CEP112: variants seen among roughly 807,000 people sequenced by gnomAD.
CEP112 encodes centrosomal protein of 112 kDa.
In CEP112, 127 loss-of-function variants were observed where a neutral mutation model predicts 153.0. That is an observed-to-expected ratio of 0.83 (90% confidence interval 0.72 to 0.96). The LOEUF (loss-of-function observed/expected upper bound fraction) is 0.96, where lower values mean the gene tolerates loss of function less well. CEP112 is among the 40% of genes least tolerant of loss of function. CEP112 has a pLI of 0.00. For missense variants in CEP112, 1,089 were observed against 1,101.2 expected, an observed-to-expected ratio of 0.99 and a Z score of 0.16; for synonymous variants, 358 against 374.4, an observed-to-expected ratio of 0.96 and a Z score of 0.51.
intron 17 of CEP112, among the ~76,000 whole-genome samples, chr17:65,996,236 T>A (rs1375958618): frequency 6.6e-6 from 1 of 151,680 alleles, no homozygotes; most frequent in Non-Finnish European, 1.5e-5. Flanking sequence ...TTATAAATCA[T>A]GAAACAGTAT....
chr17:66,070,100 T>C (rs777621849), intron 8 of CEP112, 99 bp from the exon 9 acceptor site: 3 of 666,552 alleles, frequency 4.5e-6, no homozygotes, highest in South Asian at 2.0e-5. Context: ...AAGACAGTTA[T>C]CATTTTCCAC....
chr17:66,151,345 A>G (rs1179067058), intron 4 of CEP112, among the ~76,000 whole-genome samples: 1 of 152,126 alleles, frequency 6.6e-6, no homozygotes, highest in African/African-American at 2.4e-5. Flanking sequence ...CCTTCTAGCT[A>G]TACCTAGCTA....
chr17:65,941,310 G>C (rs2061498879), intron 18 of CEP112: 1 of 151,968 alleles, frequency 6.6e-6, no homozygotes, highest in African/African-American at 2.4e-5. Context: ...TGTACTCAAA[G>C]TTGGTAAAAA....
intron 17 of CEP112, among the ~76,000 whole-genome samples, chr17:65,971,708 A>C (rs763276160): frequency 7.2e-5 from 11 of 152,150 alleles, no homozygotes; most frequent in Non-Finnish European, 1.3e-4. Flanking sequence ...CATGCATATT[A>C]CATGCATGCA....
chr17:65,941,433 GTTAT>G (rs2061502108), intron 18 of CEP112: 1 of 152,096 alleles, frequency 6.6e-6, no homozygotes, highest in Admixed American at 6.5e-5. Flanking sequence ...CAAAATGCAT[GTTAT>G]TTTAGATGAT....
At chr17:65,677,302 A>C (rs1053142454) in intron 24 of CEP112, among the ~76,000 whole-genome samples, 7 of 152,368 alleles carry the variant, frequency 4.6e-5, no homozygotes, top group Admixed American at 3.3e-4. Context: ...CTGAGAGCTA[A>C]GTACGTATTA....
chr17:65,970,016 C>T (rs972898000), intron 17 of CEP112, among the ~76,000 whole-genome samples: 11 of 152,188 alleles, frequency 7.2e-5, no homozygotes, highest in African/African-American at 1.7e-4. Context: ...ATGTGTATTG[C>T]GAACATGCAC....
chr17:65,821,437 C>A (rs1362750881), intron 21 of CEP112, among the ~76,000 whole-genome samples: 1 of 140,294 alleles, frequency 7.1e-6, no homozygotes, highest in Non-Finnish European at 1.5e-5. Flanking sequence ...GGATTTTCTA[C>A]ACAATCTGGG....
At chr17:65,897,195 G>GA (rs1236959433) in intron 20 of CEP112, among the ~76,000 whole-genome samples, 1 of 152,018 alleles carries the variant, frequency 6.6e-6, no homozygotes, top group South Asian at 2.1e-4. Context: ...TAGGCTGGGG[G>GA]AAAAATAGAG....
intron 24 of CEP112, among the ~76,000 whole-genome samples, chr17:65,645,882 T>G (rs1335359966): frequency 6.6e-6 from 1 of 152,190 alleles, no homozygotes; most frequent in Non-Finnish European, 1.5e-5. Context: ...AGAGTTGAGG[T>G]GTGGTGGGGG....
chr17:65,880,338 C>A (rs573157719), intron 20 of CEP112, among the ~76,000 whole-genome samples: 1 of 152,142 alleles, frequency 6.6e-6, no homozygotes, highest in South Asian at 2.1e-4. Flanking sequence ...GAGATAAAGT[C>A]ATGATAATGG....
chr17:65,755,527 T>G (rs2052204471), intron 21 of CEP112, among the ~76,000 whole-genome samples: 1 of 151,850 alleles, frequency 6.6e-6, no homozygotes, highest in African/African-American at 2.4e-5. Flanking sequence ...ACATAGGTTT[T>G]AATAAGGCCA....
intron 19 of CEP112, among the ~76,000 whole-genome samples, chr17:65,902,717 G>A (rs553012605): frequency 5.3e-5 from 8 of 151,906 alleles, no homozygotes; most frequent in East Asian, 1.9e-4. Context: ...CAATTAAATC[G>A]GTCAGCTTTC....
At chr17:65,714,343 C>T (rs370774302) in intron 23 of CEP112, among the ~76,000 whole-genome samples, 1 of 151,988 alleles carries the variant, frequency 6.6e-6, no homozygotes, top group Admixed American at 6.5e-5. Flanking sequence ...CTGTGATAAC[C>T]CAACTGATCA....
At chr17:66,049,033 G>A (rs12602354) in intron 12 of CEP112, among the ~76,000 whole-genome samples, 7 of 151,890 alleles carry the variant, frequency 4.6e-5, no homozygotes, top group Non-Finnish European at 8.8e-5. Context: ...GGAGACTGTC[G>A]CTCTCCAAAG....
chr17:66,149,880 GTTTGTTTGTTTT>G (rs2071103649), intron 4 of CEP112, among the ~76,000 whole-genome samples: 4 of 60,738 alleles, frequency 6.6e-5, no homozygotes, highest in Non-Finnish European at 9.0e-5. Context: ...TTTTTTTTTT[GTTTGTTTGTTTT>G]TTTTTTTTTT....
intron 16 of CEP112, among the ~76,000 whole-genome samples, chr17:66,010,247 T>C (rs1024982106): frequency 6.6e-6 from 1 of 152,170 alleles, no homozygotes; most frequent in Non-Finnish European, 1.5e-5. Flanking sequence ...CATTCTTGAT[T>C]TGGTTCTCAG....
intron 21 of CEP112, among the ~76,000 whole-genome samples, chr17:65,824,810 C>A (rs1397478872): frequency 6.6e-6 from 1 of 152,088 alleles, no homozygotes; most frequent in African/African-American, 2.4e-5. Context: ...CAATTCACAC[C>A]CATTACAATG....
At chr17:65,744,711 C>A (rs1377795366) in intron 22 of CEP112, among the ~76,000 whole-genome samples, 6 of 152,308 alleles carry the variant, frequency 3.9e-5, no homozygotes, top group Admixed American at 3.9e-4. Context: ...TCTCTCCAGA[C>A]AGCGTTCTTC....
Sources: gnomAD v4.1 joint callset for allele counts (sites outside exome capture counted in the v4.1 genomes callset) on GRCh38, gnomAD v4.1.1 for gene constraint, MANE v1.5 for transcripts, NCBI Gene and HGNC (gene_info 2026-07-23, HGNC 2026-07-21) for gene names.